The following ALK variants were observed in gnomAD, a reference collection of about 807,000 sequenced individuals.
ALK encodes the protein ALK receptor tyrosine kinase, also known as ALK tyrosine kinase receptor.
A neutral mutation model predicts 163.1 loss-of-function variants in ALK; 74 were observed. The ratio of observed to expected loss-of-function variants is 0.45; its 90% CI spans 0.38 to 0.55. ALK has a LOEUF of 0.55. Among genes scored for constraint, ALK ranks in the 20% least tolerant of loss-of-function variants. The pLI is 0.00. For missense variants in ALK, 2,063 were observed against 2,105.3 expected, an observed-to-expected ratio of 0.98 and a Z score of 0.39; for synonymous variants, 960 against 843.2, an observed-to-expected ratio of 1.14 and a Z score of -2.40.
chr2:29,852,842 CTCT>C (rs2148401883), intron 1 of ALK, among the ~76,000 whole-genome samples: 2 of 74,856 alleles, frequency 2.7e-5, no homozygotes, highest in East Asian at 6.3e-4. Context: ...TTCTCTCTCT[CTCT>C]CTCTCTCTCT....
intron 3 of ALK, among the ~76,000 whole-genome samples, chr2:29,535,320 A>AT (rs1309092905): frequency 1.1e-4 from 17 of 152,160 alleles, no homozygotes. Context: ...ATATGAAATG[A>AT]TTTTTATTTT....
chr2:29,788,051 A>G (rs1331180938), intron 1 of ALK, among the ~76,000 whole-genome samples: 1 of 152,238 alleles, frequency 6.6e-6, no homozygotes, highest in Admixed American at 6.5e-5. Flanking sequence ...AGTTTCTTGA[A>G]ACAAGCAGTG....
At chr2:29,713,778 G>A (rs1679171729) in intron 2 of ALK, among the ~76,000 whole-genome samples, 1 of 150,972 alleles carries the variant, frequency 6.6e-6, no homozygotes, top group Non-Finnish European at 1.5e-5. Flanking sequence ...TTCATCTACT[G>A]CAATTTTATA....
intron 4 of ALK, 52 bp downstream of exon 4, chr2:29,531,863 A>G: frequency 1.3e-6 from 2 of 1,597,898 alleles, no homozygotes; most frequent in South Asian, 2.2e-5. Flanking sequence ...TGTGTAACCA[A>G]AAGCCAAATC....
rs115666889 is a variant in ALK at position 29,232,125 on chromosome 2, G to A, written c.2632+179C>T. 0.013 allele frequency among the ~76,000 whole-genome samples: 1,999 copies of A among 152,264 alleles called. 48 individuals carry two copies. The highest frequency in any genetic ancestry group is 0.046 in the African/African-American group (1,905 of 41,558). ...AGTCCAAGCTCCAGGTCAGCAAGAT[G>A]GCCTGCAGGGCTCCCAGGGTGCTGC... On this transcript the variant is annotated intron_variant, in intron 15 of 28. Transcript: ENST00000389048.
chr2:29,668,736 G>A (rs769432037), intron 3 of ALK, among the ~76,000 whole-genome samples: 2 of 152,000 alleles, frequency 1.3e-5, no homozygotes, highest in Non-Finnish European at 1.5e-5. Flanking sequence ...CTGTTCTCAT[G>A]GTGCTAATAA....
At chr2:29,551,612 A>C (rs1161153680) in intron 3 of ALK, among the ~76,000 whole-genome samples, 1 of 152,170 alleles carries the variant, frequency 6.6e-6, no homozygotes, top group Non-Finnish European at 1.5e-5. Flanking sequence ...ACCATGCTGT[A>C]TAAACAACTA....
chr2:29,791,029 C>G (rs904122983), intron 1 of ALK, among the ~76,000 whole-genome samples: 1 of 152,222 alleles, frequency 6.6e-6, no homozygotes, highest in Non-Finnish European at 1.5e-5. Context: ...CTTGGCAAGT[C>G]TCTTCCTTTC....
intron 1 of ALK, among the ~76,000 whole-genome samples, chr2:29,717,943 T>C (rs1371955359): frequency 1.3e-5 from 2 of 152,232 alleles, no homozygotes. Context: ...TGAGGATCTC[T>C]GGGAGATGAA....
At chr2:29,558,033 G>C (rs1337287954) in intron 3 of ALK, among the ~76,000 whole-genome samples, 1 of 152,158 alleles carries the variant, frequency 6.6e-6, no homozygotes, top group African/African-American at 2.4e-5. Context: ...TTCCTTGTTT[G>C]ATTCCTTTTG....
chr2:29,899,213 A>G (rs1667347132), intron 1 of ALK, among the ~76,000 whole-genome samples: 1 of 152,170 alleles, frequency 6.6e-6, no homozygotes, highest in South Asian at 2.1e-4. Context: ...GAGACTATGA[A>G]TTGTGTTCTT....
intron 26 of ALK, among the ~76,000 whole-genome samples, chr2:29,205,480 T>C (rs1020607697): frequency 6.6e-6 from 1 of 152,202 alleles, no homozygotes; most frequent in African/African-American, 2.4e-5. Flanking sequence ...GTTCATTCTC[T>C]GACAGTTCTG....
At chr2:29,677,803 G>A (rs1375471631) in intron 3 of ALK, among the ~76,000 whole-genome samples, 1 of 152,036 alleles carries the variant, frequency 6.6e-6, no homozygotes, top group Non-Finnish European at 1.5e-5. Flanking sequence ...TGGCCTCATA[G>A]AATGAGTTGG....
At chr2:29,827,463 C>T (rs1665234215) in intron 1 of ALK, among the ~76,000 whole-genome samples, 1 of 152,188 alleles carries the variant, frequency 6.6e-6, no homozygotes, top group South Asian at 2.1e-4. Flanking sequence ...ATGATGAACT[C>T]TTTGCAGATT....
At chr2:29,549,340 G>A (rs1049285752) in intron 3 of ALK, among the ~76,000 whole-genome samples, 1 of 152,184 alleles carries the variant, frequency 6.6e-6, no homozygotes, top group Non-Finnish European at 1.5e-5. Flanking sequence ...TTGTTCCTGA[G>A]CCACCTCTCA....
intron 1 of ALK, among the ~76,000 whole-genome samples, chr2:29,851,871 A>G (rs1431707733): frequency 6.6e-6 from 1 of 152,234 alleles, no homozygotes; most frequent in African/African-American, 2.4e-5. Context: ...GCAGGCATAG[A>G]CTGCTCCTTC....
rs377209787 is a variant in ALK at position 29,830,924 on chromosome 2, AAAG to A, written c.667+89066_667+89068del. Reference sequence around the variant, plus strand: ...AACTCTAAAGAAATGAAGAAGAAGAAAAGAAGAAGAAGAAGAAGAAAAGAAGAA... The same window carrying A: ...AACTCTAAAGAAATGAAGAAGAAGAAAAGAAGAAGAAGAAGAAAAGAAGAA... On this transcript the variant is annotated intron_variant, in intron 1 of 28. Transcript: ENST00000389048. Among the ~76,000 whole-genome samples the A allele has an allele frequency of 3.1e-4, 31 of 99,166 alleles. 4 individuals carry two copies. Among genetic ancestry groups the A allele is most frequent in the South Asian group, 1.1e-3 (3 of 2,718 alleles). The allele number at this position is 99,166 out of a possible 152,430, so 65.1% of individuals were successfully genotyped here.
At chr2:29,785,912 TACACACACACACAC>T (rs10524599) in intron 1 of ALK, among the ~76,000 whole-genome samples, 13,642 of 146,624 alleles carry the variant, frequency 0.093, 875 homozygotes, top group African/African-American at 0.19. Flanking sequence ...TTTTTGAGTA[TACACACACACACAC>T]ACACACACAC....
In ALK at chr2:29,201,446, C is replaced by G. The variant is rs113753614; in HGVS notation, c.3939-3770G>C. ...TCCTTGACTCCGTTATCCCACACCC[C>G]TCCACTTCCCATCCAACAGTCAGCA... On this transcript the variant is annotated intron_variant, in intron 26 of 28. Transcript: ENST00000389048. Among the ~76,000 whole-genome samples, 648 of 152,272 alleles carry G rather than the reference C, an allele frequency of 4.3e-3. 4 individuals are homozygous for G. The highest frequency in any genetic ancestry group is 0.014 in the African/African-American group (578 of 41,558).
Sources: gnomAD v4.1 joint callset for allele counts (sites outside exome capture counted in the v4.1 genomes callset) on GRCh38, gnomAD v4.1.1 for gene constraint, MANE v1.5 for transcripts, NCBI Gene and HGNC (gene_info 2026-07-23, HGNC 2026-07-21) for gene names.